The following DPY19L4 variants were observed in gnomAD, a reference collection of about 807,000 sequenced individuals.
DPY19L4 encodes the protein probable C-mannosyltransferase DPY19L4.
A neutral mutation model predicts 102.8 loss-of-function variants in DPY19L4; 97 were observed. The ratio of observed to expected loss-of-function variants is 0.94; its 90% CI spans 0.80 to 1.12. The LOEUF (loss-of-function observed/expected upper bound fraction) is 1.12. Among genes scored for constraint, DPY19L4 ranks in the 50% most tolerant of loss-of-function variants. DPY19L4 has a pLI of 0.00. For synonymous variants in DPY19L4, 252 were observed against 283.1 expected (o/e 0.89, Z 1.10); for missense variants, 815 against 850.4 (o/e 0.96, Z 0.52).
At chr8:94,769,058 T>G (rs1218423686) in intron 12 of DPY19L4, among the ~76,000 whole-genome samples, 1 of 150,106 alleles carries the variant, frequency 6.7e-6, no homozygotes, top group Non-Finnish European at 1.5e-5. Flanking sequence ...AACTTAGTTT[T>G]TTTGTTTTTT....
chr8:94,785,911 A>G lies in DPY19L4; in HGVS notation c.1849-1983A>G, dbSNP rs912409258. Reference sequence around the variant, plus strand: ...TTTTCTAATATGGAATTTCAGAATTACTTGTAATTAGGTCAGAGTTCTATT... The same window carrying G: ...TTTTCTAATATGGAATTTCAGAATTGCTTGTAATTAGGTCAGAGTTCTATT... On this transcript the variant is annotated intron_variant, in intron 17 of 18. Transcript: ENST00000414645. Among the ~76,000 whole-genome samples the G allele has an allele frequency of 2.0e-5, 3 of 152,212 alleles. No individual in the cohort carries two copies. In the South Asian group the frequency reaches 6.2e-4, roughly 31 times the overall value.
intron 6 of DPY19L4, 141 bp downstream of exon 6, chr8:94,739,931 A>G (rs1341203545): frequency 1.8e-6 from 2 of 1,106,722 alleles, no homozygotes; most frequent in Non-Finnish European, 2.6e-6. Flanking sequence ...TCCCATGATT[A>G]TGATACTTTG....
chr8:94,780,802 A>G (rs1158702124), intron 15 of DPY19L4, among the ~76,000 whole-genome samples: 1 of 152,194 alleles, frequency 6.6e-6, no homozygotes, highest in Admixed American at 6.6e-5. Context: ...ATGTGCCTGA[A>G]AGATGATCAA....
At chr8:94,780,314 T>C in intron 14 of DPY19L4, 45 bp from the exon 15 acceptor site, 1 of 1,374,994 alleles carries the variant, frequency 7.3e-7, no homozygotes, top group Non-Finnish European at 9.7e-7. Context: ...TAACGTGTGT[T>C]CTGAAATGTA....
At chr8:94,732,013 C>T (rs780675523) in intron 2 of DPY19L4, among the ~76,000 whole-genome samples, 17 of 152,166 alleles carry the variant, frequency 1.1e-4, no homozygotes, top group East Asian at 1.9e-4. Context: ...TCTCGTGATC[C>T]GCCTGCCTCG....
chr8:94,731,047 C>A (rs1810930119), intron 2 of DPY19L4, among the ~76,000 whole-genome samples: 2 of 117,028 alleles, frequency 1.7e-5, no homozygotes, highest in African/African-American at 3.9e-5. Context: ...TCCCGGCCAA[C>A]TCTGTCTCAA....
At chr8:94,758,505 C>T (rs978023906) in intron 7 of DPY19L4, among the ~76,000 whole-genome samples, 1 of 152,142 alleles carries the variant, frequency 6.6e-6, no homozygotes, top group African/African-American at 2.4e-5. Flanking sequence ...ATCCTGTGTA[C>T]CTTAATAATC....
At chr8:94,748,527 C>G (rs528080871) in intron 6 of DPY19L4, among the ~76,000 whole-genome samples, 1 of 152,210 alleles carries the variant, frequency 6.6e-6, no homozygotes, top group East Asian at 1.9e-4. Flanking sequence ...AACAGGGATT[C>G]CCAACTCCCA....
chr8:94,759,168 T>C (rs1443342711), intron 7 of DPY19L4, among the ~76,000 whole-genome samples: 1 of 152,196 alleles, frequency 6.6e-6, no homozygotes, highest in African/African-American at 2.4e-5. Context: ...TTCCACAGCA[T>C]GGAAGGGGAC....
At chr8:94,763,301 T>C (rs1264865176) in intron 8 of DPY19L4, among the ~76,000 whole-genome samples, 2 of 150,576 alleles carry the variant, frequency 1.3e-5, no homozygotes, top group African/African-American at 4.9e-5. Context: ...ATTGACTGAT[T>C]TTTTTTCTGT....
At chr8:94,769,807 T>C (rs1321106948) in intron 12 of DPY19L4, among the ~76,000 whole-genome samples, 5 of 152,122 alleles carry the variant, frequency 3.3e-5, no homozygotes, top group South Asian at 4.1e-4. Flanking sequence ...AAATTATCAT[T>C]TAACTATATT....
chr8:94,770,386 CA>C, intron 12 of DPY19L4, 65 bp from the exon 13 acceptor site: 1 of 1,463,246 alleles, frequency 6.8e-7, no homozygotes, highest in Non-Finnish European at 9.1e-7. Context: ...AGATGATAAA[CA>C]ATGTATCTTT....
intron 11 of DPY19L4, among the ~76,000 whole-genome samples, chr8:94,768,077 G>A (rs1425024808): frequency 1.3e-5 from 2 of 152,058 alleles, no homozygotes; most frequent in African/African-American, 2.4e-5. Flanking sequence ...TTAGCCGGCC[G>A]AATTGTTTGT....
intron 17 of DPY19L4, among the ~76,000 whole-genome samples, chr8:94,786,418 C>G (rs763694940): frequency 8.8e-5 from 12 of 136,006 alleles, no homozygotes; most frequent in Middle Eastern, 3.7e-3. Flanking sequence ...AGCTACCATG[C>G]CCGGCCATTT....
chr8:94,753,267 T>G (rs1462821048), intron 6 of DPY19L4, among the ~76,000 whole-genome samples: 2 of 152,156 alleles, frequency 1.3e-5, no homozygotes, highest in Non-Finnish European at 2.9e-5. Context: ...AGGGAAAACA[T>G]GCAAAATACA....
At chr8:94,778,037 T>C (rs13258377) in intron 14 of DPY19L4, among the ~76,000 whole-genome samples, 57,949 of 151,702 alleles carry the variant, frequency 0.38, 11,782 homozygotes, top group African/African-American at 0.54. Flanking sequence ...TCGAGACCAG[T>C]CTGGCCAACA....
chr8:94,730,767 C>T (rs1338671604), intron 2 of DPY19L4, among the ~76,000 whole-genome samples: 5 of 108,398 alleles, frequency 4.6e-5, no homozygotes, highest in East Asian at 3.2e-4. Context: ...TTTTTTGAGA[C>T]GGAGTTTCGC....
chr8:94,786,066 G>T (rs1289304843), intron 17 of DPY19L4, among the ~76,000 whole-genome samples: 1 of 152,158 alleles, frequency 6.6e-6, no homozygotes, highest in African/African-American at 2.4e-5. Context: ...GAGTAAATTT[G>T]TTGTTAAGCT....
rs200781402 is a variant in DPY19L4 at position 94,738,441 on chromosome 8, G to C, written c.325G>C (p.Ala109Pro). The C allele has an allele frequency of 1.9e-6, 3 of 1,550,584 alleles. No individual in the cohort carries two copies. The highest frequency in any genetic ancestry group is 2.6e-6 in the Non-Finnish European group (3 of 1,150,414). The change falls in exon 4 of 19, where the codon GCA becomes CCA. Residue 109 changes from alanine to proline, a missense_variant. Transcript: ENST00000414645. ...YYSYYKDMLK[A>P]PSFERGVYEL... ...CTCCTATTATAAAGATATGTTAAAG[G>C]CACCTTCATTTGAAAGAGGTATGAT...
Sources: allele counts gnomAD v4.1 joint callset (sites outside exome capture counted in the v4.1 genomes callset), GRCh38; gene constraint gnomAD v4.1.1; transcripts MANE v1.5; gene names NCBI Gene and HGNC (gene_info 2026-07-23, HGNC 2026-07-21).